Variants in GPC5 observed in about 807,000 individuals in gnomAD.
GPC5 encodes glypican 5.
In GPC5, 47 loss-of-function variants were observed where a neutral mutation model predicts 53.9. That is an observed-to-expected ratio of 0.87 (90% CI 0.69 to 1.11). GPC5 has a LOEUF of 1.11. Ranked by LOEUF, GPC5 falls within the 50% of genes most tolerant of loss-of-function variation. The pLI, the probability that GPC5 is intolerant of heterozygous loss-of-function variation, is 0.00. For missense variants in GPC5, 748 were observed against 713.1 expected, an observed-to-expected ratio of 1.05 and a Z score of -0.56; for synonymous variants, 286 against 263.3, an observed-to-expected ratio of 1.09 and a Z score of -0.84.
At chr13:91,667,346 T>G (rs1026017934) in intron 2 of GPC5, among the ~76,000 whole-genome samples, 1 of 152,208 alleles carries the variant, frequency 6.6e-6, no homozygotes, top group Non-Finnish European at 1.5e-5. Context: ...TATATATGCC[T>G]TCTCTTTTAT....
intron 7 of GPC5, among the ~76,000 whole-genome samples, chr13:92,367,468 T>TTACTTTAG (rs944691887): frequency 5.3e-5 from 8 of 152,196 alleles, no homozygotes; most frequent in African/African-American, 1.9e-4. Context: ...AAGCATTTTG[T>TTACTTTAG]TATTTTAGCT....
At position 92,833,440 on chromosome 13, in the gene GPC5, A is replaced by C. The variant is rs145296621; in HGVS notation, c.1562-32842A>C. On this transcript the variant is annotated intron_variant, in intron 7 of 7. Coordinates refer to ENST00000377067, the MANE Select transcript of GPC5 (RefSeq NM_004466.6). ...CTGACAATCTGTTTAACTGTGGAATAGATTTTAGAAAATCTGCATAAATAG... is the reference window on the plus strand; with the variant it reads ...CTGACAATCTGTTTAACTGTGGAATCGATTTTAGAAAATCTGCATAAATAG... 8.4e-3 allele frequency among the ~76,000 whole-genome samples: 1,282 copies of C among 152,326 alleles called. 16 individuals carry two copies. Among genetic ancestry groups the C allele is most frequent in the African/African-American group, 0.029 (1,205 of 41,584 alleles).
At chr13:92,746,021 CA>C (rs1407938765) in intron 7 of GPC5, among the ~76,000 whole-genome samples, 1 of 152,040 alleles carries the variant, frequency 6.6e-6, no homozygotes, top group Non-Finnish European at 1.5e-5. Flanking sequence ...CACATTTAAT[CA>C]ATTAGCTATA....
chr13:92,469,788 G>C (rs931416318), intron 7 of GPC5, among the ~76,000 whole-genome samples: 3 of 152,074 alleles, frequency 2.0e-5, no homozygotes, highest in Non-Finnish European at 4.4e-5. Context: ...TAGGAATTAA[G>C]TTTATAACAA....
At chr13:92,517,464 G>A (rs569815130) in intron 7 of GPC5, among the ~76,000 whole-genome samples, 39 of 152,308 alleles carry the variant, frequency 2.6e-4, no homozygotes, top group Non-Finnish European at 4.1e-4. Context: ...ACCTCACACG[G>A]CTGGGTACCC....
intron 2 of GPC5, among the ~76,000 whole-genome samples, chr13:91,665,504 T>TC (rs1020005801): frequency 8.8e-6 from 1 of 114,006 alleles, no homozygotes; most frequent in Non-Finnish European, 1.7e-5. Context: ...GAAAAGCCAG[T>TC]CTTTTTTTTT....
At position 92,424,885 on chromosome 13, in the gene GPC5, A is replaced by C. The variant is rs1410395030; in HGVS notation, c.1561+279896A>C. 8.5e-5 allele frequency among the ~76,000 whole-genome samples: 13 copies of C among 152,052 alleles called. No individual in the cohort carries two copies. In the South Asian group the frequency reaches 2.5e-3, roughly 29 times the overall value. ...GTCCTACTATATTCCAGACACGTGA[A>C]CTAGGTGGTGGGGATTCAAAGATGA... On this transcript the variant is annotated intron_variant, in intron 7 of 7. Transcript: ENST00000377067.
intron 7 of GPC5, among the ~76,000 whole-genome samples, chr13:92,227,719 TAAAA>T (rs57131057): frequency 6.6e-6 from 1 of 151,784 alleles, no homozygotes; most frequent in African/African-American, 2.4e-5. Context: ...CCCAACACAG[TAAAA>T]AAAATTCATG....
chr13:91,562,195 A>C (rs2031303536), intron 2 of GPC5, among the ~76,000 whole-genome samples: 1 of 145,632 alleles, frequency 6.9e-6, no homozygotes, highest in Non-Finnish European at 1.5e-5. Context: ...CAGTAAAAAA[A>C]AAAAAAAAAA....
intron 7 of GPC5, among the ~76,000 whole-genome samples, chr13:92,287,881 C>A (rs1051226350): frequency 1.3e-5 from 2 of 151,912 alleles, no homozygotes; most frequent in East Asian, 3.9e-4. Flanking sequence ...TCAGGGAGTC[C>A]CATAATACAT....
At position 92,629,800 on chromosome 13, in the gene GPC5, A is replaced by G. The variant is rs561408837; in HGVS notation, c.1562-236482A>G. Among the ~76,000 whole-genome samples the G allele has an allele frequency of 3.3e-5, 5 of 151,724 alleles. No homozygotes were observed. The East Asian group carries it at 9.7e-4, about 29-fold the overall frequency. ...TAGAAAATACACAAGTCATGAGTAC[A>G]AAAAAAAATCAATAGGACTTCATTC... On this transcript the variant is annotated intron_variant, in intron 7 of 7. Transcript: ENST00000377067.
chr13:92,012,797 A>T (rs1389604439), intron 6 of GPC5, among the ~76,000 whole-genome samples: 1 of 152,230 alleles, frequency 6.6e-6, no homozygotes, highest in Non-Finnish European at 1.5e-5. Flanking sequence ...AGAATTACTG[A>T]TGCTGGATTT....
At chr13:92,334,404 A>G (rs2043308426) in intron 7 of GPC5, among the ~76,000 whole-genome samples, 1 of 152,118 alleles carries the variant, frequency 6.6e-6, no homozygotes, top group Non-Finnish European at 1.5e-5. Flanking sequence ...CCCTCCCATG[A>G]CACATGGGGA....
intron 7 of GPC5, among the ~76,000 whole-genome samples, chr13:92,206,167 A>ATTTTTTTTTTT (rs1333690683): frequency 2.9e-4 from 8 of 27,972 alleles, no homozygotes; most frequent in South Asian, 1.2e-3. Flanking sequence ...TTTTTTTTTT[A>ATTTTTTTTTTT]TTTTTTTTTT....
At chr13:91,831,270 GA>G (rs1182907388) in intron 5 of GPC5, among the ~76,000 whole-genome samples, 1 of 151,442 alleles carries the variant, frequency 6.6e-6, no homozygotes, top group Non-Finnish European at 1.5e-5. Flanking sequence ...ATGAGAGAAA[GA>G]TGCAGGCTGG....
chr13:92,648,715 C>T (rs1243562695), intron 7 of GPC5, among the ~76,000 whole-genome samples: 1 of 152,048 alleles, frequency 6.6e-6, no homozygotes, highest in Non-Finnish European at 1.5e-5. Context: ...TGTTGTTTTG[C>T]TAATTATTCT....
At chr13:92,155,062 T>C (rs1457285640) in intron 7 of GPC5, among the ~76,000 whole-genome samples, 1 of 152,178 alleles carries the variant, frequency 6.6e-6, no homozygotes, top group African/African-American at 2.4e-5. Context: ...TTAGCTCTTA[T>C]TTATTGTAAC....
At chr13:92,563,479 G>T (rs1044442726) in intron 7 of GPC5, among the ~76,000 whole-genome samples, 2 of 151,740 alleles carry the variant, frequency 1.3e-5, no homozygotes, top group Admixed American at 6.6e-5. Context: ...TTGTTGAAAA[G>T]GACTCAATTA....
At chr13:91,813,025 C>A (rs368510253) in intron 5 of GPC5, among the ~76,000 whole-genome samples, 1 of 152,172 alleles carries the variant, frequency 6.6e-6, no homozygotes, top group Admixed American at 6.6e-5. Context: ...CCCAAAGTGT[C>A]ACGGAAGTAC....
Sources: allele counts gnomAD v4.1 joint callset (sites outside exome capture counted in the v4.1 genomes callset), GRCh38; gene constraint gnomAD v4.1.1; transcripts MANE v1.5; gene names NCBI Gene and HGNC (gene_info 2026-07-23, HGNC 2026-07-21).